Variants in PITPNM3 observed in about 807,000 individuals in gnomAD.
The protein encoded by PITPNM3 is PITPNM family member 3, also known as membrane-associated phosphatidylinositol transfer protein 3.
Under a neutral mutation model 102.0 loss-of-function variants are expected in PITPNM3, and 26 were observed. The ratio of observed to expected loss-of-function variants is 0.25; its 90% CI spans 0.19 to 0.35. The LOEUF (loss-of-function observed/expected upper bound fraction) is 0.35. PITPNM3 is among the 10% of genes least tolerant of loss of function. PITPNM3 has a pLI of 1.00. For missense variants in PITPNM3, 1,083 were observed against 1,346.1 expected (o/e 0.80, Z 3.06); for synonymous variants, 578 against 558.6 (o/e 1.03, Z -0.49).
At chr17:6,500,017 C>T (rs1028284971) in intron 4 of PITPNM3, among the ~76,000 whole-genome samples, 4 of 152,208 alleles carry the variant, frequency 2.6e-5, no homozygotes, top group African/African-American at 9.7e-5. Flanking sequence ...AGGCATGAGC[C>T]ACCGCACCTG....
At chr17:6,521,660 G>C (rs1305674148) in intron 3 of PITPNM3, among the ~76,000 whole-genome samples, 5 of 151,162 alleles carry the variant, frequency 3.3e-5, no homozygotes, top group African/African-American at 1.2e-4. Flanking sequence ...TGCCAAAAAA[G>C]ATAAATATAT....
Position 6,533,571 on chromosome 17 carries a change from C to T in PITPNM3, c.118+4416G>A, listed in dbSNP as rs572965054. Among the ~76,000 whole-genome samples the T allele has an allele frequency of 3.9e-5, 6 of 152,208 alleles. No individual in the cohort carries two copies. In the South Asian group the frequency reaches 1.2e-3, roughly 32 times the overall value. On this transcript the variant is annotated intron_variant, in intron 2 of 19. Transcript: ENST00000262483. ...CTGGGTTCAAGCGATTCTCCTGCCT[C>T]AGTCTCCTGAGTAGCTGGGATTACA... is the stretch of plus-strand genomic sequence containing the variant.
intron 14 of PITPNM3, among the ~76,000 whole-genome samples, chr17:6,464,980 C>T (rs758152632): frequency 6.6e-6 from 1 of 152,206 alleles, no homozygotes; most frequent in Non-Finnish European, 1.5e-5. Flanking sequence ...CTTCAAGGTG[C>T]ACAGGGCTTC....
rs759141007 is a variant in PITPNM3 at position 6,464,281 on chromosome 17, C to T, written c.2045G>A (p.Arg682His). The change falls in exon 16 of 20, where the codon CGC (arginine) becomes CAC (histidine). Residue 682 changes from arginine (R) to histidine (H), a missense_variant. Physicochemically the swap from Arg to His is conservative, Grantham distance 29. Around this residue, in one of 5 missense-constraint regions of PITPNM3, gnomAD observed 410 missense variants for 638.4 expected, o/e 0.64. Coordinates refer to ENST00000262483, the MANE Select transcript of PITPNM3 (RefSeq NM_031220.4). The part of the protein sequence containing the change: ...ILVMAEPSSG[R>H]WVHLDTEITN... ...GATCTCTGTGTCCAGGTGTACCCAGCGGCCTGAGGATGGCTCTGCCATTAC... is the reference window on the plus strand; with the variant it reads ...GATCTCTGTGTCCAGGTGTACCCAGTGGCCTGAGGATGGCTCTGCCATTAC... 7.4e-6 allele frequency: 12 copies of T among 1,614,016 alleles called. No homozygotes were observed. In the Middle Eastern group the frequency reaches 6.6e-4, roughly 89 times the overall value.
chr17:6,550,053 G>A (rs1292265796), intron 1 of PITPNM3, among the ~76,000 whole-genome samples: 2 of 152,182 alleles, frequency 1.3e-5, no homozygotes, highest in African/African-American at 4.8e-5. Flanking sequence ...TGTTGGAGCT[G>A]GAAAGAGCCT....
intron 1 of PITPNM3, among the ~76,000 whole-genome samples, chr17:6,548,434 T>A (rs1184842645): frequency 2.0e-5 from 3 of 152,018 alleles, no homozygotes; most frequent in Non-Finnish European, 4.4e-5. Context: ...ATAGCTCTTT[T>A]TACCACAAGG....
chr17:6,472,893 T>A lies in PITPNM3; in HGVS notation c.1259-66A>T. 1.3e-6 allele frequency: 2 copies of A among 1,576,862 alleles called. No individual in the cohort carries two copies. The highest frequency in any genetic ancestry group is 4.6e-5 in the East Asian group (2 of 43,748). ...ACCTGCTCCCTGGGCCCTAGGAGGC[T>A]CCCTGGAATGCAGCCTGGAGTAGCC... On this transcript the variant is annotated intron_variant, in intron 10 of 19. Transcript: ENST00000262483. The surrounding 1 kb of genome is among the most constrained non-coding windows in gnomAD (Gnocchi z 4.1).
chr17:6,521,574 G>A (rs757298414), intron 3 of PITPNM3, among the ~76,000 whole-genome samples: 52 of 151,090 alleles, frequency 3.4e-4, no homozygotes, highest in Non-Finnish European at 4.7e-4. Context: ...ATAACAACAC[G>A]CTTCTGGGTG....
At chr17:6,549,504 C>T (rs1910196072) in intron 1 of PITPNM3, among the ~76,000 whole-genome samples, 1 of 152,198 alleles carries the variant, frequency 6.6e-6, no homozygotes, top group African/African-American at 2.4e-5. Flanking sequence ...ACAGAGGAGG[C>T]TTCTGCCCCC....
intron 8 of PITPNM3, 75 bp downstream of exon 8, chr17:6,477,900 C>T (rs769692899): frequency 2.7e-4 from 432 of 1,597,346 alleles, no homozygotes; most frequent in Non-Finnish European, 3.6e-4. Flanking sequence ...CGTGAAGAAC[C>T]AGCACTCTCT....
In PITPNM3 at chr17:6,459,689, C is replaced by T. The variant is rs115499977; in HGVS notation, c.2490+1684G>A. ...GAGTCCCTACCATGTGGCATCATCA[C>T]CCCCAATGCAGAAGCTATATTGGTG... On this transcript the variant is annotated intron_variant, in intron 18 of 19. Coordinates refer to ENST00000262483, the MANE Select transcript of PITPNM3 (RefSeq NM_031220.4). The surrounding 1 kb of genome is among the most constrained non-coding windows in gnomAD (Gnocchi z 5.0). Among the ~76,000 whole-genome samples, 344 of 152,258 alleles carry T rather than the reference C, an allele frequency of 2.3e-3. 1 individual carries two copies. Among genetic ancestry groups the T allele is most frequent in the African/African-American group, 7.9e-3 (330 of 41,546 alleles).
At chr17:6,477,284 C>T (rs1260327873) in intron 8 of PITPNM3, 71 bp from the exon 9 acceptor site, 1 of 1,502,296 alleles carries the variant, frequency 6.7e-7, no homozygotes, top group Admixed American at 1.7e-5. Flanking sequence ...CTTGTCTCCT[C>T]CCCCCAAGCA....
chr17:6,464,070 G>T (rs1904637850), intron 16 of PITPNM3, 100 bp downstream of exon 16: 5 of 1,578,632 alleles, frequency 3.2e-6, no homozygotes, highest in Non-Finnish European at 3.5e-6. Context: ...AGAGATGGGG[G>T]CCCACAAAGA....
At chr17:6,488,206 C>T (rs949206710) in intron 4 of PITPNM3, among the ~76,000 whole-genome samples, 5 of 152,158 alleles carry the variant, frequency 3.3e-5, no homozygotes, top group Non-Finnish European at 7.3e-5. Context: ...ACATTCCTAC[C>T]ATGATAATTG....
At chr17:6,511,750 G>C (rs945853640) in intron 3 of PITPNM3, among the ~76,000 whole-genome samples, 1 of 152,174 alleles carries the variant, frequency 6.6e-6, no homozygotes, top group African/African-American at 2.4e-5. Context: ...TAGGGAGGCC[G>C]AGGTGGGTGG....
chr17:6,455,707 A>T, intron 19 of PITPNM3, 64 bp from the exon 20 acceptor site: 2 of 124,206 alleles, frequency 1.6e-5, no homozygotes, highest in Non-Finnish European at 1.2e-5. Flanking sequence ...GGAAGAAGGG[A>T]GGGGAGGGGG....
chr17:6,474,358 C>A, intron 10 of PITPNM3, 74 bp downstream of exon 10: 1 of 1,548,238 alleles, frequency 6.5e-7, no homozygotes, highest in Non-Finnish European at 8.9e-7. Flanking sequence ...CTTCACTCTC[C>A]TCATTCTGAG....
intron 1 of PITPNM3, among the ~76,000 whole-genome samples, chr17:6,539,297 G>A (rs142474215): frequency 5.1e-4 from 77 of 152,236 alleles, no homozygotes; most frequent in African/African-American, 1.7e-3. Context: ...CACCATAACT[G>A]TGTGTTCCTA....
rs1914003633 is a variant in PITPNM3, at chr17:6,454,655, C to A, written c.*683G>T. The A allele has an allele frequency of 6.6e-6, 1 of 152,472 alleles. No individual in the cohort carries two copies. The highest frequency in any genetic ancestry group is 2.1e-4 in the South Asian group (1 of 4,836). 9.4% of individuals were successfully genotyped at this position (152,472 alleles called of 1,614,324 possible). On this transcript the variant is annotated 3_prime_UTR_variant, in exon 20 of 20. Transcript: ENST00000262483. ...GAGGCAGGGCTCCGGGAAGAGGAAG[C>A]CCTGGCCTCCAGGGCCACAGGGAAA... is the stretch of plus-strand genomic sequence containing the variant.
Sources: gnomAD v4.1 joint callset for allele counts (sites outside exome capture counted in the v4.1 genomes callset) on GRCh38, gnomAD v4.1.1 for gene constraint, gnomAD v4.1.1 regional missense constraint, Gnocchi (gnomAD v3.1) non-coding constraint, MANE v1.5 for transcripts, NCBI Gene and HGNC (gene_info 2026-07-23, HGNC 2026-07-21) for gene names.